Variants in ARSJ observed in about 807,000 individuals in gnomAD.
The protein encoded by ARSJ is arylsulfatase family member J, also known as arylsulfatase J.
In ARSJ, 26 loss-of-function variants were observed where a neutral mutation model predicts 35.9. The ratio of observed to expected loss-of-function variants is 0.72; its 90% CI spans 0.53 to 1.00. ARSJ has a LOEUF of 1.00. Among genes scored for constraint, ARSJ ranks in the 50% least tolerant of loss-of-function variants. ARSJ has a pLI of 0.00. For missense variants in ARSJ, 667 were observed against 723.6 expected, an observed-to-expected ratio of 0.92 and a Z score of 0.90; for synonymous variants, 294 against 267.6, an observed-to-expected ratio of 1.10 and a Z score of -0.96.
At position 113,978,544 on chromosome 4, in the gene ARSJ, C is replaced by T. The variant is rs540908844; in HGVS notation, c.291G>A (p.Glu97=). 1.4e-5 allele frequency: 22 copies of T among 1,614,244 alleles called. No individual in the cohort carries two copies. The highest frequency in any genetic ancestry group is 1.2e-4 in the African/African-American group (9 of 75,068). ...GCTTGTCAAGAGTAGGTGTTTTAAT[C>T]TCAGATCCGTGGTAACCCACATCTC... The part of the protein sequence containing the change: ...GFRDVGYHGS[E]IKTPTLDKLA... Residue 97 remains glutamate, a synonymous_variant, in exon 1 of 2, where the codon GAG becomes GAA. Coordinates refer to ENST00000315366, the MANE Select transcript of ARSJ (RefSeq NM_024590.4).
At chr4:113,916,981 C>T (rs534010435) in intron 1 of ARSJ, among the ~76,000 whole-genome samples, 1 of 152,158 alleles carries the variant, frequency 6.6e-6, no homozygotes, top group African/African-American at 2.4e-5. Flanking sequence ...AATCAAAAAC[C>T]AACTGACGGA....
chr4:113,905,081 C>T (rs1013379182), intron 1 of ARSJ, among the ~76,000 whole-genome samples: 2 of 152,054 alleles, frequency 1.3e-5, no homozygotes, highest in Admixed American at 6.5e-5. Flanking sequence ...TTGCCAAGGG[C>T]GTTTTCCAAG....
At chr4:113,947,220 C>A (rs1478610586) in intron 1 of ARSJ, among the ~76,000 whole-genome samples, 1 of 152,126 alleles carries the variant, frequency 6.6e-6, no homozygotes, top group East Asian at 1.9e-4. Flanking sequence ...GTGGCTGAGA[C>A]CTGTAATCCC....
intron 1 of ARSJ, among the ~76,000 whole-genome samples, chr4:113,975,290 A>T (rs1181562366): frequency 6.6e-6 from 1 of 152,200 alleles, no homozygotes; most frequent in Non-Finnish European, 1.5e-5. Context: ...ATAAATGAGT[A>T]ACAAAATAGT....
At chr4:113,916,475 T>A (rs1286641461) in intron 1 of ARSJ, among the ~76,000 whole-genome samples, 5 of 152,150 alleles carry the variant, frequency 3.3e-5, no homozygotes, top group Non-Finnish European at 7.4e-5. Flanking sequence ...AATTGCAAAT[T>A]GTAAAATTTT....
At chr4:113,905,961 T>A (rs548629946) in intron 1 of ARSJ, among the ~76,000 whole-genome samples, 42 of 152,292 alleles carry the variant, frequency 2.8e-4, no homozygotes, top group Middle Eastern at 3.4e-3. Context: ...CTGTTCTTGA[T>A]AATTTTTGGT....
At chr4:113,959,275 A>G (rs1306491512) in intron 1 of ARSJ, among the ~76,000 whole-genome samples, 1 of 151,990 alleles carries the variant, frequency 6.6e-6, no homozygotes, top group Non-Finnish European at 1.5e-5. Context: ...GTTCTGTCCC[A>G]TTAACAGCTC....
chr4:113,949,276 A>T (rs1331076252), intron 1 of ARSJ, among the ~76,000 whole-genome samples: 4 of 152,020 alleles, frequency 2.6e-5, no homozygotes. Flanking sequence ...CATGGCATAA[A>T]TATACCTAAT....
chr4:113,974,899 C>A (rs1265414933), intron 1 of ARSJ, among the ~76,000 whole-genome samples: 1 of 151,998 alleles, frequency 6.6e-6, no homozygotes, highest in Admixed American at 6.6e-5. Flanking sequence ...TTATAATAAC[C>A]CAACTATGAA....
intron 1 of ARSJ, among the ~76,000 whole-genome samples, chr4:113,978,185 C>T (rs1296482104): frequency 6.6e-6 from 1 of 152,156 alleles, no homozygotes; most frequent in African/African-American, 2.4e-5. Context: ...TTTATACGTT[C>T]TCATCTCATT....
Position 113,978,918 on chromosome 4 carries a change from T to G in ARSJ, c.-84A>C. ...GCGCACACATGCACCCAACAGACGG[T>G]GAAGACTCTCCACCTGGCAAGAAAT... On this transcript the variant is annotated 5_prime_UTR_variant, in exon 1 of 2. Transcript: ENST00000315366. 7.1e-7 allele frequency: 1 copy of G among 1,406,928 alleles called. No homozygotes were observed. The highest frequency in any genetic ancestry group is 9.6e-7 in the Non-Finnish European group (1 of 1,043,642). The allele number at this position is 1,406,928 out of a possible 1,614,324, so 87.2% of individuals were successfully genotyped here.
chr4:113,965,340 T>A (rs906101681), intron 1 of ARSJ, among the ~76,000 whole-genome samples: 8 of 152,112 alleles, frequency 5.3e-5, no homozygotes, highest in Non-Finnish European at 1.2e-4. Context: ...TATTTATTGT[T>A]TTCTACTCTA....
chr4:113,945,901 G>A (rs1468587140), intron 1 of ARSJ, among the ~76,000 whole-genome samples: 1 of 152,082 alleles, frequency 6.6e-6, no homozygotes, highest in Admixed American at 6.6e-5. Flanking sequence ...AATCTTGGTT[G>A]TTGACAGGAT....
chr4:113,905,419 G>A (rs542232366), intron 1 of ARSJ, among the ~76,000 whole-genome samples: 1 of 152,178 alleles, frequency 6.6e-6, no homozygotes, highest in Non-Finnish European at 1.5e-5. Flanking sequence ...ATGAAACTAT[G>A]AGCTTTTTGA....
chr4:113,935,646 T>C (rs1724721552), intron 1 of ARSJ, among the ~76,000 whole-genome samples: 1 of 151,898 alleles, frequency 6.6e-6, no homozygotes. Flanking sequence ...TAAAAGGTCA[T>C]TGAATGTATG....
chr4:113,961,257 G>A (rs1236852640), intron 1 of ARSJ, among the ~76,000 whole-genome samples: 1 of 151,960 alleles, frequency 6.6e-6, no homozygotes, highest in Non-Finnish European at 1.5e-5. Context: ...TAAAATAAAG[G>A]GGCTTAGAGA....
chr4:113,902,681 C>T lies in ARSJ; in HGVS notation c.1393G>A (p.Asp465Asn), dbSNP rs748518800. Residue 465 changes from aspartate to asparagine, a missense_variant, in exon 2 of 2, where the codon GAC (aspartate) becomes AAC (asparagine). Transcript: ENST00000315366. ...KLLTGNPGYSDWVPPQSFSNL... is the reference protein window; with the variant it reads ...KLLTGNPGYSNWVPPQSFSNL... ...CTGAAAGACTGAGGGGGGACCCAGT[C>T]GCTGTAGCCAGGATTTCCTGTAAGC... 2.1e-5 allele frequency: 34 copies of T among 1,614,070 alleles called. No individual in the cohort carries two copies. The highest frequency in any genetic ancestry group is 5.3e-5 in the African/African-American group (4 of 74,928).
At chr4:113,913,723 T>A (rs1207693018) in intron 1 of ARSJ, among the ~76,000 whole-genome samples, 1 of 152,166 alleles carries the variant, frequency 6.6e-6, no homozygotes, top group Non-Finnish European at 1.5e-5. Context: ...ATTTTCAATA[T>A]GACTACAGAA....
At chr4:113,908,434 A>C (rs2099669423) in intron 1 of ARSJ, among the ~76,000 whole-genome samples, 1 of 152,240 alleles carries the variant, frequency 6.6e-6, no homozygotes, top group Admixed American at 6.5e-5. Context: ...AAGAAAATCT[A>C]ACTGGGATAA....
Sources: gnomAD v4.1 joint callset for allele counts (sites outside exome capture counted in the v4.1 genomes callset) on GRCh38, gnomAD v4.1.1 for gene constraint, MANE v1.5 for transcripts, NCBI Gene and HGNC (gene_info 2026-07-23, HGNC 2026-07-21) for gene names.